The following SRRM4 variants were observed in gnomAD, a reference collection of about 807,000 sequenced individuals.
The protein encoded by SRRM4 is serine/arginine repetitive matrix protein 4.
A neutral mutation model predicts 68.9 loss-of-function variants in SRRM4; 33 were observed. That is an observed-to-expected ratio of 0.48 (90% CI 0.36 to 0.64). The LOEUF (loss-of-function observed/expected upper bound fraction) is 0.64, where lower values mean the gene tolerates loss of function less well. SRRM4 is among the 30% of genes least tolerant of loss of function. The pLI is 0.00. For missense variants in SRRM4, 817 were observed against 827.1 expected, an observed-to-expected ratio of 0.99 and a Z score of 0.15; for synonymous variants, 318 against 318.8, an observed-to-expected ratio of 1.00 and a Z score of 0.03.
intron 1 of SRRM4, among the ~76,000 whole-genome samples, chr12:119,065,436 T>G (rs1303626345): frequency 4.0e-5 from 6 of 151,842 alleles, no homozygotes; most frequent in African/African-American, 1.5e-4. Context: ...AGAGTAGGAG[T>G]TTAAAAAAAT....
chr12:119,099,006 T>C (rs1275836394), intron 1 of SRRM4, among the ~76,000 whole-genome samples: 4 of 152,144 alleles, frequency 2.6e-5, no homozygotes, highest in Non-Finnish European at 5.9e-5. Flanking sequence ...ATCCAGTCCC[T>C]ATCACTCCTG....
At chr12:119,062,987 T>G (rs184355833) in intron 1 of SRRM4, among the ~76,000 whole-genome samples, 1 of 152,374 alleles carries the variant, frequency 6.6e-6, no homozygotes, top group Non-Finnish European at 1.5e-5. Flanking sequence ...AGACACATAG[T>G]AAGCCTTCAG....
chr12:119,073,084 C>T (rs1191815952), intron 1 of SRRM4, among the ~76,000 whole-genome samples: 1 of 44,080 alleles, frequency 2.3e-5, no homozygotes, highest in Non-Finnish European at 4.2e-5. Flanking sequence ...ATGTGTAACA[C>T]ATGAAAAGGA....
chr12:119,099,034 C>A (rs1954061925), intron 1 of SRRM4, among the ~76,000 whole-genome samples: 1 of 152,124 alleles, frequency 6.6e-6, no homozygotes, highest in Non-Finnish European at 1.5e-5. Flanking sequence ...GACTCTTCTC[C>A]CATCTCAGCT....
chr12:118,983,682 G>A (rs2135986242), intron 1 of SRRM4, among the ~76,000 whole-genome samples: 1 of 152,214 alleles, frequency 6.6e-6, no homozygotes, highest in South Asian at 2.1e-4. Flanking sequence ...GCAGGGAGAG[G>A]AAAGCGGATT....
At chr12:118,982,677 T>TG (rs1953256483) in intron 1 of SRRM4, among the ~76,000 whole-genome samples, 1 of 136,180 alleles carries the variant, frequency 7.3e-6, no homozygotes, top group African/African-American at 2.9e-5. Flanking sequence ...TTGTTTTTTT[T>TG]TGTTTTTTTT....
chr12:119,153,190 A>G (rs1954449842), intron 10 of SRRM4, among the ~76,000 whole-genome samples: 1 of 152,314 alleles, frequency 6.6e-6, no homozygotes, highest in Non-Finnish European at 1.5e-5. Context: ...CCAATATGCT[A>G]TGTGATTTAC....
At chr12:119,128,372 C>T (rs1378038869) in intron 7 of SRRM4, among the ~76,000 whole-genome samples, 1 of 152,192 alleles carries the variant, frequency 6.6e-6, no homozygotes, top group East Asian at 1.9e-4. Context: ...GACACCCAGT[C>T]AGAATTACCC....
At chr12:119,095,299 T>G (rs1034167671) in intron 1 of SRRM4, among the ~76,000 whole-genome samples, 15 of 152,182 alleles carry the variant, frequency 9.9e-5, no homozygotes, top group African/African-American at 3.1e-4. Flanking sequence ...TGAAGAGCAT[T>G]TAAGCATGAG....
At position 118,998,268 on chromosome 12, in the gene SRRM4, CAAAAAAAAAAAAAAAAAA is replaced by C. The variant is rs35250419; in HGVS notation, c.131+16269_131+16286del. On this transcript the variant is annotated intron_variant, in intron 1 of 12. Coordinates refer to ENST00000267260, the MANE Select transcript of SRRM4 (RefSeq NM_194286.4). The stretch of plus-strand genomic sequence containing the variant: ...AACTGAGTGGATAAGAGCAATATGG[CAAAAAAAAAAAAAAAAAA>C]AAAAAAAAAAAAATCACAGAGAGTG... Among the ~76,000 whole-genome samples, 24 of 36,586 alleles carry C rather than the reference CAAAAAAAAAAAAAAAAAA, an allele frequency of 6.6e-4. No homozygotes were observed. The East Asian group carries it at 7.3e-3, about 11-fold the overall frequency. The allele number at this position is 36,586 out of a possible 152,430, so 24.0% of individuals were successfully genotyped here.
At chr12:119,034,804 T>C (rs61937965) in intron 1 of SRRM4, among the ~76,000 whole-genome samples, 21,091 of 152,214 alleles carry the variant, frequency 0.14, 1,523 homozygotes, top group East Asian at 0.26. Flanking sequence ...TTGGTGTGTC[T>C]GATGAATCTT....
chr12:119,079,558 G>T (rs1953935721), intron 1 of SRRM4, among the ~76,000 whole-genome samples: 1 of 152,140 alleles, frequency 6.6e-6, no homozygotes, highest in Non-Finnish European at 1.5e-5. Flanking sequence ...TGTTTGCAAT[G>T]ACTCTAAACT....
At chr12:119,020,015 C>T (rs1246818669) in intron 1 of SRRM4, among the ~76,000 whole-genome samples, 3 of 143,076 alleles carry the variant, frequency 2.1e-5, no homozygotes, top group Admixed American at 1.5e-4. Flanking sequence ...AACCGTACAG[C>T]ACCTTTGTAT....
chr12:119,036,964 G>A (rs914223010), intron 1 of SRRM4: 2 of 152,156 alleles, frequency 1.3e-5, no homozygotes, highest in Admixed American at 6.6e-5. Context: ...AGCCACTCAC[G>A]CTTCTGGGGA....
At chr12:119,039,918 G>A (rs1007933070) in intron 1 of SRRM4, among the ~76,000 whole-genome samples, 4 of 152,008 alleles carry the variant, frequency 2.6e-5, no homozygotes, top group Non-Finnish European at 5.9e-5. Flanking sequence ...TGAAGCACAC[G>A]CACTGCCCCA....
chr12:118,981,812 GC>G lies in SRRM4; in HGVS notation c.-66del, dbSNP rs1953248852. 2.6e-6 allele frequency: 4 copies of G among 1,535,288 alleles called. No individual in the cohort carries two copies. In the South Asian group the frequency reaches 3.8e-5, roughly 15 times the overall value. ...CGGACAGAGCCGGGAGCTGGGTGTC[GC>G]CCCCGTTTGGAATCCACGTTTCAGC... On this transcript the variant is annotated 5_prime_UTR_variant, in exon 1 of 13. Coordinates refer to ENST00000267260, the MANE Select transcript of SRRM4 (RefSeq NM_194286.4).
At chr12:119,129,157 T>C (rs1954278418) in intron 7 of SRRM4, among the ~76,000 whole-genome samples, 2 of 152,218 alleles carry the variant, frequency 1.3e-5, no homozygotes, top group African/African-American at 4.8e-5. Flanking sequence ...TTCGGCTCCC[T>C]CATCTGTAAA....
intron 1 of SRRM4, among the ~76,000 whole-genome samples, chr12:119,027,191 A>G (rs1340040738): frequency 6.6e-6 from 1 of 152,190 alleles, no homozygotes; most frequent in East Asian, 1.9e-4. Flanking sequence ...GCACCAACTA[A>G]ACCAACACTG....
intron 1 of SRRM4, among the ~76,000 whole-genome samples, chr12:119,089,343 T>C (rs554556958): frequency 6.6e-6 from 1 of 152,286 alleles, no homozygotes; most frequent in East Asian, 1.9e-4. Context: ...CCTGAGGTAA[T>C]GGGTTTGACT....
Sources: allele counts gnomAD v4.1 joint callset (sites outside exome capture counted in the v4.1 genomes callset), GRCh38; gene constraint gnomAD v4.1.1; transcripts MANE v1.5; gene names NCBI Gene and HGNC (gene_info 2026-07-23, HGNC 2026-07-21).